CFAP418: variants seen among roughly 807,000 people sequenced by gnomAD.
CFAP418 encodes the protein cilia- and flagella-associated protein 418.
CFAP418 carries 27 observed loss-of-function variants against 24.7 expected under a neutral mutation model. The ratio of observed to expected loss-of-function variants is 1.09; its 90% CI spans 0.81 to 1.51. The LOEUF (loss-of-function observed/expected upper bound fraction) is 1.51, where lower values mean the gene tolerates loss of function less well. Ranked by LOEUF, CFAP418 falls within the 40% of genes most tolerant of loss-of-function variation. The pLI, the probability that CFAP418 is intolerant of heterozygous loss-of-function variation, is 0.00. For missense variants in CFAP418, 257 were observed against 255.2 expected, an observed-to-expected ratio of 1.01 and a Z score of -0.05; for synonymous variants, 74 against 87.3, an observed-to-expected ratio of 0.85 and a Z score of 0.85.
At chr8:95,267,096 G>C (rs2132167216) in intron 1 of CFAP418, among the ~76,000 whole-genome samples, 1 of 152,264 alleles carries the variant, frequency 6.6e-6, no homozygotes, top group Admixed American at 6.5e-5. Flanking sequence ...AGATACATAA[G>C]GAATTCCAGT....
intron 5 of CFAP418, among the ~76,000 whole-genome samples, chr8:95,248,920 C>T (rs1003519308): frequency 9.2e-5 from 14 of 151,968 alleles, no homozygotes; most frequent in African/African-American, 2.2e-4. Flanking sequence ...TTAAACTGTA[C>T]GAAATTCAGG....
rs1811635565 is a variant in CFAP418, at chr8:95,247,194, A to C, written c.*423T>G. 6.2e-6 allele frequency: 1 copy of C among 160,408 alleles called. No homozygotes were observed. The highest frequency in any genetic ancestry group is 2.4e-5 in the African/African-American group (1 of 41,536). 9.9% of individuals were successfully genotyped at this position (160,408 alleles called of 1,614,324 possible). A position where few individuals can be genotyped will look rare whatever the true frequency, so the allele number is the denominator to read the frequency against. On this transcript the variant is annotated 3_prime_UTR_variant, in exon 6 of 6. Transcript: ENST00000286688. ...GGCAACAAAAGATCTGACTGGAAGA[A>C]GTGTTGTAGACACCCCTAAATGATC...
intron 4 of CFAP418, among the ~76,000 whole-genome samples, chr8:95,253,714 T>C (rs541728608): frequency 9.8e-4 from 149 of 152,362 alleles, no homozygotes; most frequent in African/African-American, 3.1e-3. Context: ...ATTTCTACAT[T>C]TGGAAATTCA....
At chr8:95,252,102 C>T in intron 5 of CFAP418, 86 bp downstream of exon 5, 1 of 1,011,146 alleles carries the variant, frequency 9.9e-7, no homozygotes, top group South Asian at 1.5e-5. Flanking sequence ...CAAGATCTGG[C>T]TGAATCCACC....
At chr8:95,259,983 A>ATTTTTGG in intron 3 of CFAP418, 78 bp from the exon 4 acceptor site, 1 of 1,318,928 alleles carries the variant, frequency 7.6e-7, no homozygotes, top group Non-Finnish European at 1.0e-6. Flanking sequence ...TGTTAAAAAA[A>ATTTTTGG]TTTTTGGTTT....
At chr8:95,250,820 G>A (rs1334034164) in intron 5 of CFAP418, among the ~76,000 whole-genome samples, 1 of 152,094 alleles carries the variant, frequency 6.6e-6, no homozygotes, top group Non-Finnish European at 1.5e-5. Flanking sequence ...ATGTGTATGA[G>A]GGGCATTCAA....
At chr8:95,258,942 G>A (rs936254651) in intron 4 of CFAP418, among the ~76,000 whole-genome samples, 3 of 152,110 alleles carry the variant, frequency 2.0e-5, no homozygotes, top group Non-Finnish European at 2.9e-5. Context: ...GTTTGTGTAA[G>A]TACACTCTAT....
intron 2 of CFAP418, among the ~76,000 whole-genome samples, chr8:95,263,119 C>CT (rs1421125685): frequency 6.6e-6 from 1 of 151,684 alleles, no homozygotes; most frequent in Non-Finnish European, 1.5e-5. Flanking sequence ...ATTTGTACTT[C>CT]TTTTTAAAAA....
At chr8:95,267,148 T>C (rs1812000847) in intron 1 of CFAP418, among the ~76,000 whole-genome samples, 1 of 152,256 alleles carries the variant, frequency 6.6e-6, no homozygotes, top group South Asian at 2.1e-4. Context: ...ATTTACAACA[T>C]CCAGCCAAAT....
Position 95,247,436 on chromosome 8 carries a change from G to A in CFAP418, c.*181C>T. 1.6e-6 allele frequency: 1 copy of A among 629,262 alleles called. No individual in the cohort carries two copies. Among genetic ancestry groups the A allele is most frequent in the Non-Finnish European group, 2.7e-6 (1 of 367,022 alleles). The allele number at this position is 629,262 out of a possible 1,614,324, so 39.0% of individuals were successfully genotyped here. On this transcript the variant is annotated 3_prime_UTR_variant, in exon 6 of 6. Transcript: ENST00000286688. ...CATGTATCAGGAATAATTCCAAAGT[G>A]TTATAATACATGATCTTCCTTAGTC...
At chr8:95,255,555 A>G (rs956379352) in intron 4 of CFAP418, among the ~76,000 whole-genome samples, 4 of 152,252 alleles carry the variant, frequency 2.6e-5, no homozygotes, top group African/African-American at 9.6e-5. Flanking sequence ...CAAATGGAAA[A>G]TAAATACTTA....
At chr8:95,261,339 T>C (rs1811888152) in intron 2 of CFAP418, among the ~76,000 whole-genome samples, 1 of 148,780 alleles carries the variant, frequency 6.7e-6, no homozygotes, top group African/African-American at 2.6e-5. Flanking sequence ...TTTTGGTACA[T>C]GTTTGAAAAA....
At chr8:95,257,460 C>T (rs1044515097) in intron 4 of CFAP418, among the ~76,000 whole-genome samples, 1 of 152,178 alleles carries the variant, frequency 6.6e-6, no homozygotes, top group Non-Finnish European at 1.5e-5. Context: ...ACCTTCTGGG[C>T]ATTGTCCTTC....
rs1201242780 is a variant in CFAP418, at chr8:95,246,582, C to A, written c.*1035G>T. 2 of 152,122 alleles carry A rather than the reference C, an allele frequency of 1.3e-5. No individual in the cohort carries two copies. The highest frequency in any genetic ancestry group is 4.8e-5 in the African/African-American group (2 of 41,396). 9.4% of individuals were successfully genotyped at this position (152,122 alleles called of 1,614,324 possible). On this transcript the variant is annotated 3_prime_UTR_variant, in exon 6 of 6. Coordinates refer to ENST00000286688, the MANE Select transcript of CFAP418 (RefSeq NM_177965.4). ...GGAGTTTGTGGCAGATTGGAAAGCT[C>A]CCAAAATCTCTCAATGGGGTTGGGA...
Position 95,261,655 on chromosome 8 carries a change from C to T in CFAP418, c.244-1123G>A, listed in dbSNP as rs1030278959. 3.9e-5 allele frequency among the ~76,000 whole-genome samples: 6 copies of T among 152,108 alleles called. No homozygotes were observed. In the South Asian group the frequency reaches 8.3e-4, roughly 21 times the overall value. ...TAAATGTTTTACTTAGACCTGCTGT[C>T]TCCTTTGAAGGTTGGAAAACTGGAC... On this transcript the variant is annotated intron_variant, in intron 2 of 5. Transcript: ENST00000286688.
chr8:95,258,088 A>G (rs918431366), intron 4 of CFAP418, among the ~76,000 whole-genome samples: 25 of 152,348 alleles, frequency 1.6e-4, no homozygotes, highest in African/African-American at 6.0e-4. Context: ...AAAGTTTAAA[A>G]AGTGAAAAAC....
chr8:95,261,362 C>G (rs34079000), intron 2 of CFAP418, among the ~76,000 whole-genome samples: 4 of 152,030 alleles, frequency 2.6e-5, no homozygotes, highest in Non-Finnish European at 4.4e-5. Flanking sequence ...ATAATATGCA[C>G]GAATCTTTCT....
chr8:95,267,817 A>T (rs1812022205), intron 1 of CFAP418, among the ~76,000 whole-genome samples: 1 of 152,086 alleles, frequency 6.6e-6, no homozygotes, highest in African/African-American at 2.4e-5. Context: ...GGCAAGAGGC[A>T]ATTTCCAAAA....
intron 1 of CFAP418, among the ~76,000 whole-genome samples, chr8:95,266,600 T>C (rs138476721): frequency 0.017 from 2,532 of 152,318 alleles, 43 homozygotes; most frequent in Non-Finnish European, 0.019. Context: ...CTTTTAAGTA[T>C]AAATTTTGGC....
Sources: gnomAD v4.1 joint callset for allele counts (sites outside exome capture counted in the v4.1 genomes callset) on GRCh38, gnomAD v4.1.1 for gene constraint, MANE v1.5 for transcripts, NCBI Gene and HGNC (gene_info 2026-07-23, HGNC 2026-07-21) for gene names.